DOCK1: variants seen among roughly 807,000 people sequenced by gnomAD.
DOCK1 encodes the protein dedicator of cytokinesis protein 1.
A neutral mutation model predicts 262.7 loss-of-function variants in DOCK1; 138 were observed. The observed-to-expected ratio is 0.53, with a 90% CI of 0.46 to 0.61. The LOEUF is 0.61. DOCK1 is among the 20% of genes least tolerant of loss of function. The pLI is 0.00. For synonymous variants in DOCK1, 866 were observed against 867.4 expected (o/e 1.00, Z 0.03); for missense variants, 1,908 against 2,370.7 (o/e 0.80, Z 4.05).
chr10:127,122,078 G>A (rs2049621279), intron 25 of DOCK1, among the ~76,000 whole-genome samples: 1 of 152,222 alleles, frequency 6.6e-6, no homozygotes, highest in Admixed American at 6.5e-5. Context: ...GGCATTGGAG[G>A]CCTTCCTGTA....
At chr10:126,917,877 G>A (rs1241763905) in intron 1 of DOCK1, among the ~76,000 whole-genome samples, 1 of 152,156 alleles carries the variant, frequency 6.6e-6, no homozygotes, top group Non-Finnish European at 1.5e-5. Flanking sequence ...GGCGCATAAA[G>A]CTGTGAGTTT....
chr10:127,357,999 T>G (rs1313317485), intron 32 of DOCK1, among the ~76,000 whole-genome samples: 1 of 152,114 alleles, frequency 6.6e-6, no homozygotes, highest in African/African-American at 2.4e-5. Context: ...ACATAGTTTT[T>G]TTTTTTTTAT....
At chr10:126,934,747 GTTTTTTTTT>G (rs1166445414) in intron 1 of DOCK1, among the ~76,000 whole-genome samples, 19 of 107,462 alleles carry the variant, frequency 1.8e-4, no homozygotes, top group East Asian at 3.1e-4. Context: ...GAATTTACGA[GTTTTTTTTT>G]TTTTTTTTTT....
intron 42 of DOCK1, among the ~76,000 whole-genome samples, chr10:127,409,961 C>T (rs1316380321): frequency 6.6e-6 from 1 of 152,130 alleles, no homozygotes. Context: ...TCAGTTGTAT[C>T]GCACCTGACT....
At chr10:127,302,668 A>G (rs946304887) in intron 29 of DOCK1, among the ~76,000 whole-genome samples, 5 of 151,254 alleles carry the variant, frequency 3.3e-5, no homozygotes, top group Non-Finnish European at 2.9e-5. Context: ...CTTTGTGGTT[A>G]ATGTTGATAG....
chr10:127,017,352 T>C (rs546189202), intron 12 of DOCK1, among the ~76,000 whole-genome samples: 1 of 148,374 alleles, frequency 6.7e-6, no homozygotes, highest in East Asian at 2.0e-4. Context: ...CAGATACAGA[T>C]ATACACATAA....
chr10:127,014,012 G>A (rs1334112043), intron 12 of DOCK1, among the ~76,000 whole-genome samples: 2 of 152,250 alleles, frequency 1.3e-5, no homozygotes, highest in Non-Finnish European at 2.9e-5. Flanking sequence ...GGCCCCAGGA[G>A]TGGAAGGGAC....
chr10:127,166,964 G>GCACA (rs1196948978), intron 27 of DOCK1, among the ~76,000 whole-genome samples: 1 of 151,788 alleles, frequency 6.6e-6, no homozygotes, highest in Non-Finnish European at 1.5e-5. Context: ...TTGGCATTCT[G>GCACA]CACAGGAAGA....
chr10:127,032,664 C>T (rs1211316013), intron 18 of DOCK1, among the ~76,000 whole-genome samples: 1 of 152,134 alleles, frequency 6.6e-6, no homozygotes, highest in African/African-American at 2.4e-5. Context: ...GGCGATCCTC[C>T]CACCTCAGCT....
At chr10:127,345,852 T>A (rs1301294779) in intron 31 of DOCK1, among the ~76,000 whole-genome samples, 1 of 152,198 alleles carries the variant, frequency 6.6e-6, no homozygotes, top group Non-Finnish European at 1.5e-5. Context: ...AAGGGAGGGA[T>A]GGTGCTTTGT....
At chr10:126,939,711 C>T (rs993564036) in intron 1 of DOCK1, among the ~76,000 whole-genome samples, 4,392 of 152,270 alleles carry the variant, frequency 0.029, 241 homozygotes, top group African/African-American at 0.1. Context: ...GAGTCCGAGT[C>T]GTCACGAGAC....
At chr10:127,098,615 A>G (rs2048050358) in intron 23 of DOCK1, among the ~76,000 whole-genome samples, 1 of 152,184 alleles carries the variant, frequency 6.6e-6, no homozygotes, top group African/African-American at 2.4e-5. Context: ...AAATTCACAT[A>G]GCGAGTGATG....
intron 29 of DOCK1, among the ~76,000 whole-genome samples, chr10:127,276,663 G>C (rs968347545): frequency 5.3e-5 from 8 of 152,130 alleles, no homozygotes; most frequent in African/African-American, 1.9e-4. Flanking sequence ...TAGAGGTATA[G>C]ATTGTACACC....
chr10:127,085,589 C>T (rs1591963747), intron 23 of DOCK1, among the ~76,000 whole-genome samples: 1 of 152,120 alleles, frequency 6.6e-6, no homozygotes, highest in South Asian at 2.1e-4. Flanking sequence ...GAAACCCCAT[C>T]TCTGCTGAAA....
chr10:127,103,623 C>G (rs2048375484), intron 23 of DOCK1, among the ~76,000 whole-genome samples: 1 of 152,126 alleles, frequency 6.6e-6, no homozygotes, highest in Admixed American at 6.6e-5. Context: ...ATCCTATCTG[C>G]AGGAACGTTG....
intron 22 of DOCK1, among the ~76,000 whole-genome samples, chr10:127,059,958 T>C (rs2045422577): frequency 6.6e-6 from 1 of 152,212 alleles, no homozygotes; most frequent in African/African-American, 2.4e-5. Context: ...AAAGTGGGGC[T>C]GACCATCTTA....
intron 38 of DOCK1, among the ~76,000 whole-genome samples, chr10:127,401,524 C>T (rs1414038294): frequency 2.6e-5 from 4 of 152,116 alleles, no homozygotes; most frequent in African/African-American, 9.7e-5. Context: ...CAGCGTCGTG[C>T]ACCCCTTTTC....
At chr10:126,948,237 CTGT>C (rs2035743533) in intron 1 of DOCK1, among the ~76,000 whole-genome samples, 1 of 48,940 alleles carries the variant, frequency 2.0e-5, no homozygotes, top group Admixed American at 2.2e-4. Flanking sequence ...GGTAGTATTA[CTGT>C]TGGTGGTGAT....
chr10:127,090,898 C>T (rs2047483577), intron 23 of DOCK1, among the ~76,000 whole-genome samples: 1 of 152,044 alleles, frequency 6.6e-6, no homozygotes, highest in South Asian at 2.1e-4. Flanking sequence ...TCTGGATGCA[C>T]ACCTGGCTTA....
Sources: allele counts gnomAD v4.1 joint callset (sites outside exome capture counted in the v4.1 genomes callset), GRCh38; gene constraint gnomAD v4.1.1; transcripts MANE v1.5; gene names NCBI Gene and HGNC (gene_info 2026-07-23, HGNC 2026-07-21).